Variants in NEK10 observed in about 807,000 individuals in gnomAD.
The protein encoded by NEK10 is serine/threonine-protein kinase Nek10.
NEK10 carries 122 observed loss-of-function variants against 159.8 expected under a neutral mutation model. The ratio of observed to expected loss-of-function variants is 0.76; its 90% CI spans 0.66 to 0.89. The LOEUF is 0.89. Among genes scored for constraint, NEK10 ranks in the 40% least tolerant of loss-of-function variants. The pLI, the probability that NEK10 is intolerant of heterozygous loss-of-function variation, is 0.00. For missense variants in NEK10, 1,342 were observed against 1,323.1 expected (o/e 1.01, Z -0.22); for synonymous variants, 466 against 457.1 (o/e 1.02, Z -0.25).
rs1263719410 is a variant in NEK10, at chr3:27,192,052, G to A, written c.2482C>T (p.His828Tyr). The A allele has an allele frequency of 1.9e-6, 3 of 1,614,064 alleles. No homozygotes were observed. Among genetic ancestry groups the A allele is most frequent in the African/African-American group, 2.7e-5 (2 of 74,928 alleles). Residue 828 changes from histidine to tyrosine, a missense_variant, in exon 26 of 36, where the codon CAT becomes TAT. His to Tyr is a moderately conservative substitution (Grantham distance 83). Coordinates refer to ENST00000691995, the MANE Select transcript of NEK10 (RefSeq NM_001394966.1). ...ACGTGAGATAGAACAGCCAGCTCAT[G>A]GTGACATGTGACGGTGTTCCGGTTG... is the stretch of plus-strand genomic sequence containing the variant. ...EANRNTVTCH[H>Y]ELAVLSHETF...
At chr3:27,259,950 G>A (rs1457359065) in intron 22 of NEK10, among the ~76,000 whole-genome samples, 1 of 152,068 alleles carries the variant, frequency 6.6e-6, no homozygotes, top group African/African-American at 2.4e-5. Context: ...TTGTAAGTTG[G>A]ATTCCTAGGT....
At chr3:27,111,431 TA>T (rs1353815273) in intron 35 of NEK10, 111 bp from the exon 36 acceptor site, 3 of 791,264 alleles carry the variant, frequency 3.8e-6, no homozygotes, top group Non-Finnish European at 5.8e-6. Context: ...TCACAGTAAA[TA>T]AAAAGACGAT....
At chr3:27,231,573 A>T (rs1054435199) in intron 23 of NEK10, among the ~76,000 whole-genome samples, 2 of 152,096 alleles carry the variant, frequency 1.3e-5, no homozygotes, top group Non-Finnish European at 2.9e-5. Context: ...CTTTGAAAAG[A>T]TAAACAAAAT....
chr3:27,365,860 G>T (rs180742115), intron 1 of NEK10, among the ~76,000 whole-genome samples: 2 of 151,786 alleles, frequency 1.3e-5, no homozygotes, highest in African/African-American at 4.8e-5. Context: ...TGATCCTCCC[G>T]CCTCGGCCTC....
chr3:27,251,123 A>G (rs1410849154), intron 23 of NEK10, among the ~76,000 whole-genome samples: 1 of 152,192 alleles, frequency 6.6e-6, no homozygotes, highest in East Asian at 1.9e-4. Flanking sequence ...CACTATTATT[A>G]TCATCCCCAG....
At chr3:27,164,223 G>T (rs1477734408) in intron 29 of NEK10, among the ~76,000 whole-genome samples, 1 of 152,194 alleles carries the variant, frequency 6.6e-6, no homozygotes, top group Non-Finnish European at 1.5e-5. Flanking sequence ...CAGAAAGTTT[G>T]AAAAGAGGCA....
At chr3:27,162,850 C>T in intron 29 of NEK10, 112 bp from the exon 30 acceptor site, 1 of 1,410,150 alleles carries the variant, frequency 7.1e-7, no homozygotes, top group African/African-American at 1.4e-5. Flanking sequence ...AGATTATTTT[C>T]CCTCAAGATG....
chr3:27,196,723 G>A (rs532956659), intron 25 of NEK10, among the ~76,000 whole-genome samples: 23 of 152,268 alleles, frequency 1.5e-4, no homozygotes, highest in African/African-American at 4.6e-4. Context: ...TGTTATTTGC[G>A]CTACCTTTCC....
intron 23 of NEK10, among the ~76,000 whole-genome samples, chr3:27,236,062 T>C (rs989682659): frequency 1.3e-5 from 2 of 151,778 alleles, no homozygotes; most frequent in African/African-American, 4.8e-5. Context: ...GAAAAACAAA[T>C]ACTGCACATT....
chr3:27,202,644 T>C, intron 23 of NEK10, 87 bp from the exon 24 acceptor site: 1 of 1,353,730 alleles, frequency 7.4e-7, no homozygotes, highest in Non-Finnish European at 9.7e-7. Context: ...TTGGAGTTAT[T>C]TTTTAAGTAT....
chr3:27,361,026 T>G (rs950554843), intron 1 of NEK10, among the ~76,000 whole-genome samples: 2 of 152,248 alleles, frequency 1.3e-5, no homozygotes, highest in Non-Finnish European at 2.9e-5. Context: ...CCTGCTATGA[T>G]GATGGACACT....
In NEK10 at chr3:27,352,534, G is replaced by A; in HGVS notation, c.72-9C>T. 6.3e-7 allele frequency: 1 copy of A among 1,598,512 alleles called. No individual in the cohort carries two copies. On this transcript the variant is annotated splice_polypyrimidine_tract_variant and intron_variant, in intron 2 of 35. Coordinates refer to ENST00000691995, the MANE Select transcript of NEK10 (RefSeq NM_001394966.1). ...TAAGATCTGAATAGTCCCTAGGAGA[G>A]AGAATAACACAATGTGAACCCACAG...
At chr3:27,313,718 C>T (rs1320467547) in intron 7 of NEK10, among the ~76,000 whole-genome samples, 2 of 152,116 alleles carry the variant, frequency 1.3e-5, no homozygotes, top group East Asian at 3.9e-4. Context: ...GCCATCGCCC[C>T]TTTTGTTGTT....
intron 32 of NEK10, among the ~76,000 whole-genome samples, chr3:27,126,874 G>A (rs1196248883): frequency 6.6e-6 from 1 of 152,002 alleles, no homozygotes; most frequent in African/African-American, 2.4e-5. Flanking sequence ...CGCAACCCCA[G>A]TCAGTCTCTT....
intron 22 of NEK10, among the ~76,000 whole-genome samples, chr3:27,270,648 T>C: frequency 6.6e-6 from 1 of 152,144 alleles, no homozygotes; most frequent in Admixed American, 6.6e-5. Flanking sequence ...ACAGACTCCC[T>C]CCCTCCATCT....
intron 30 of NEK10, among the ~76,000 whole-genome samples, chr3:27,151,545 C>T (rs977596633): frequency 6.6e-6 from 1 of 152,062 alleles, no homozygotes; most frequent in African/African-American, 2.4e-5. Context: ...CAGAGCCTAC[C>T]CAAATAAGAA....
intron 9 of NEK10, chr3:27,309,302 T>C (rs1346083689): frequency 5.7e-6 from 1 of 174,008 alleles, no homozygotes; most frequent in Non-Finnish European, 1.2e-5. Context: ...ACACTTTTTG[T>C]CAATATAATC....
chr3:27,287,726 A>G lies in NEK10; in HGVS notation c.1761T>C (p.Ile587=). 1 of 1,563,656 alleles carries G rather than the reference A, an allele frequency of 6.4e-7. No homozygotes were observed. Among genetic ancestry groups the G allele is most frequent in the Non-Finnish European group, 8.6e-7 (1 of 1,161,098 alleles). ...IIKEQLYHPN[I]VRYYKTFLEN... is the part of the protein sequence containing the mutation. ...CCAGAAATGTTTTGTAATAACGTAC[A>G]ATGTTGGGATGATAAAGCTATAAGA... The change falls in exon 20 of 36, where the codon ATT becomes ATC. Residue 587 remains isoleucine, a synonymous_variant. Coordinates refer to ENST00000691995, the MANE Select transcript of NEK10 (RefSeq NM_001394966.1).
At chr3:27,357,226 T>C (rs924225688) in intron 1 of NEK10, among the ~76,000 whole-genome samples, 5 of 152,168 alleles carry the variant, frequency 3.3e-5, no homozygotes, top group Non-Finnish European at 7.4e-5. Context: ...GCTTCCACTA[T>C]TCACCAGAGA....
Sources: allele counts gnomAD v4.1 joint callset (sites outside exome capture counted in the v4.1 genomes callset), GRCh38; gene constraint gnomAD v4.1.1; transcripts MANE v1.5; gene names NCBI Gene and HGNC (gene_info 2026-07-23, HGNC 2026-07-21).